The following COL4A5 variants were observed in gnomAD, a reference collection of about 807,000 sequenced individuals.
The protein encoded by COL4A5 is collagen type IV alpha 5 chain.
Under a neutral mutation model 130.2 loss-of-function variants are expected in COL4A5, and 26 were observed. That is an observed-to-expected ratio of 0.20 (90% CI 0.15 to 0.28). COL4A5 has a LOEUF of 0.28. Ranked by LOEUF, COL4A5 falls within the 10% of genes least tolerant of loss-of-function variation. The pLI, the probability that COL4A5 is intolerant of heterozygous loss-of-function variation, is 1.00. For missense variants in COL4A5, 1,131 were observed against 1,344.3 expected (o/e 0.84, Z 2.48); for synonymous variants, 496 against 439.6 (o/e 1.13, Z -1.60).
Position 108,591,682 on chromosome X carries a change from C to A in COL4A5, c.1423+38C>A, listed in dbSNP as rs747837114. On this transcript the variant is annotated intron_variant, in intron 21 of 52. Coordinates refer to ENST00000328300, the MANE Select transcript of COL4A5 (RefSeq NM_033380.3). Reference sequence around the variant, plus strand: ...AACATATTCATTCCTTCATTTTCTTCATTCTTTCAAATCATCAGCAAAATC... The same window carrying A: ...AACATATTCATTCCTTCATTTTCTTAATTCTTTCAAATCATCAGCAAAATC... 2.8e-6 allele frequency: 3 copies of A among 1,073,311 alleles called. No individual in the cohort carries two copies. In the South Asian group the frequency reaches 5.6e-5, roughly 20 times the overall value. The allele number at this position is 1,073,311 out of a possible 1,213,427, so 88.5% of individuals were successfully genotyped here.
chrX:108,684,429 C>T (rs906535239), intron 47 of COL4A5, among the ~76,000 whole-genome samples: 2 of 111,305 alleles, frequency 1.8e-5, no homozygotes, highest in Admixed American at 9.6e-5. Flanking sequence ...ATATCACCAC[C>T]GATCCCACAG....
intron 42 of COL4A5, among the ~76,000 whole-genome samples, chrX:108,672,817 T>C (rs1487643172): frequency 8.9e-6 from 1 of 112,017 alleles, no homozygotes; most frequent in African/African-American, 3.2e-5. Flanking sequence ...ATCAAACACA[T>C]ATATAAAATG....
At chrX:108,643,306 G>C (rs2067508165) in intron 36 of COL4A5, among the ~76,000 whole-genome samples, 1 of 111,873 alleles carries the variant, frequency 8.9e-6, no homozygotes, top group African/African-American at 3.3e-5. Context: ...GAATAATTAA[G>C]GAAAACTTCC....
intron 1 of COL4A5, among the ~76,000 whole-genome samples, chrX:108,527,403 C>G (rs1279778377): frequency 8.9e-6 from 1 of 112,065 alleles, no homozygotes; most frequent in Non-Finnish European, 1.9e-5. Flanking sequence ...TATACAATTA[C>G]AAAGACCTTA....
chrX:108,607,900 A>G (rs757290785), intron 29 of COL4A5, among the ~76,000 whole-genome samples: 1 of 111,643 alleles, frequency 9.0e-6, no homozygotes, highest in South Asian at 3.8e-4. Context: ...ATATCAGTAG[A>G]TGGAGATCTT....
At chrX:108,596,024 C>A (rs2066510085) in intron 22 of COL4A5, among the ~76,000 whole-genome samples, 1 of 111,604 alleles carries the variant, frequency 9.0e-6, no homozygotes, top group Admixed American at 9.5e-5. Flanking sequence ...GTTTGGCAAT[C>A]AACTGCCAGT....
At chrX:108,484,262 A>G (rs143582071) in intron 1 of COL4A5, among the ~76,000 whole-genome samples, 3 of 111,850 alleles carry the variant, frequency 2.7e-5, no homozygotes, top group Non-Finnish European at 5.6e-5. Flanking sequence ...CATCACATCT[A>G]TTTTGAATTC....
At chrX:108,464,309 A>G (rs1322771371) in intron 1 of COL4A5, among the ~76,000 whole-genome samples, 2 of 111,881 alleles carry the variant, frequency 1.8e-5, no homozygotes. Context: ...GCATATACCA[A>G]TATTTTATAT....
intron 1 of COL4A5, among the ~76,000 whole-genome samples, chrX:108,470,549 T>C (rs911911339): frequency 7.1e-5 from 8 of 112,023 alleles, no homozygotes; most frequent in African/African-American, 2.3e-4. Context: ...TACTATACTT[T>C]TGTTAGATGC....
intron 1 of COL4A5, among the ~76,000 whole-genome samples, chrX:108,482,454 G>A (rs1023222583): frequency 9.0e-6 from 1 of 111,276 alleles, no homozygotes; most frequent in Admixed American, 9.6e-5. Flanking sequence ...AAGGCTGATG[G>A]CAGCATGGGT....
chrX:108,695,094 A>C, intron 51 of COL4A5, 173 bp downstream of exon 51: 1 of 683,627 alleles, frequency 1.5e-6, no homozygotes, highest in Non-Finnish European at 2.3e-6. Flanking sequence ...ATATTTTCAT[A>C]ATCTGCCTAT....
chrX:108,616,662 G>A (rs1012263673), intron 30 of COL4A5, among the ~76,000 whole-genome samples: 14 of 110,828 alleles, frequency 1.3e-4, no homozygotes, highest in Non-Finnish European at 2.1e-4. Flanking sequence ...AGCTGAGTGC[G>A]AATAAAAAAA....
Position 108,696,456 on chromosome X carries a change from T to G in COL4A5, c.*78T>G. The G allele has an allele frequency of 2.6e-6, 2 of 784,260 alleles. No individual in the cohort carries two copies. Among genetic ancestry groups the G allele is most frequent in the East Asian group, 7.0e-5 (2 of 28,559 alleles). The allele number at this position is 784,260 out of a possible 1,213,427, so 64.6% of individuals were successfully genotyped here. A position where few individuals can be genotyped will look rare whatever the true frequency, so the allele number is the denominator to read the frequency against. ...ATTCCTAGGATGCAGTGTCTCATTGTCCCCAACTTTACTACTGCTGCCGTC... is the reference window on the plus strand; with the variant it reads ...ATTCCTAGGATGCAGTGTCTCATTGGCCCCAACTTTACTACTGCTGCCGTC... On this transcript the variant is annotated 3_prime_UTR_variant, in exon 53 of 53. Coordinates refer to ENST00000328300, the MANE Select transcript of COL4A5 (RefSeq NM_033380.3).
At chrX:108,684,765 C>T (rs1240116701) in intron 47 of COL4A5, among the ~76,000 whole-genome samples, 1 of 112,360 alleles carries the variant, frequency 8.9e-6, no homozygotes, top group East Asian at 2.8e-4. Flanking sequence ...AGGTCAGCGT[C>T]ATCCTGATAC....
At chrX:108,492,216 G>A (rs1408533169) in intron 1 of COL4A5, among the ~76,000 whole-genome samples, 2 of 111,596 alleles carry the variant, frequency 1.8e-5, no homozygotes, top group African/African-American at 6.5e-5. Flanking sequence ...TGTTGAAGGT[G>A]TGCACATCTG....
intron 28 of COL4A5, among the ~76,000 whole-genome samples, chrX:108,604,697 T>G (rs2066699478): frequency 8.9e-6 from 1 of 112,433 alleles, no homozygotes; most frequent in Non-Finnish European, 1.9e-5. Context: ...ACTTATCTTC[T>G]CTAGCTATGA....
At chrX:108,694,618 A>G in intron 50 of COL4A5, 189 bp from the exon 51 acceptor site, 2 of 448,714 alleles carry the variant, frequency 4.5e-6, no homozygotes, top group Non-Finnish European at 7.8e-6. Context: ...AAAAGTTTAC[A>G]GTTTATTATG....
At chrX:108,513,785 C>G (rs928580174) in intron 1 of COL4A5, among the ~76,000 whole-genome samples, 7 of 111,244 alleles carry the variant, frequency 6.3e-5, no homozygotes. Context: ...TGCTTAATCT[C>G]AAGTCATGTT....
chrX:108,577,877 T>C, intron 10 of COL4A5, 75 bp from the exon 11 acceptor site: 2 of 891,437 alleles, frequency 2.2e-6, no homozygotes, highest in Non-Finnish European at 3.1e-6. Flanking sequence ...ACCTTACTCT[T>C]TCTGAAACTA....
Sources: allele counts gnomAD v4.1 joint callset (sites outside exome capture counted in the v4.1 genomes callset), GRCh38; gene constraint gnomAD v4.1.1; transcripts MANE v1.5; gene names NCBI Gene and HGNC (gene_info 2026-07-23, HGNC 2026-07-21).